PHLPP1: variants seen among roughly 807,000 people sequenced by gnomAD.
PHLPP1 encodes PH domain and leucine rich repeat protein phosphatase 1, also known as PH domain leucine-rich repeat-containing protein phosphatase 1.
A neutral mutation model predicts 117.2 loss-of-function variants in PHLPP1; 42 were observed. The ratio of observed to expected loss-of-function variants is 0.36; its 90% CI spans 0.28 to 0.46. The LOEUF is 0.46. Ranked by LOEUF, PHLPP1 falls within the 20% of genes least tolerant of loss-of-function variation. The pLI is 1.00. For synonymous variants in PHLPP1, 1,042 were observed against 970.7 expected (o/e 1.07, Z -1.37); for missense variants, 2,084 against 2,241.9 (o/e 0.93, Z 1.42).
At chr18:62,960,418 T>A (rs965844106) in intron 13 of PHLPP1, among the ~76,000 whole-genome samples, 1 of 152,202 alleles carries the variant, frequency 6.6e-6, no homozygotes, top group African/African-American at 2.4e-5. Flanking sequence ...ATACTTTTTA[T>A]ACATAAAAGT....
At chr18:62,940,616 G>A (rs958566417) in intron 10 of PHLPP1, among the ~76,000 whole-genome samples, 7 of 151,812 alleles carry the variant, frequency 4.6e-5, no homozygotes, top group East Asian at 1.9e-4. Flanking sequence ...CGCCTGCCTC[G>A]GCCTCCCAAA....
intron 4 of PHLPP1, among the ~76,000 whole-genome samples, chr18:62,864,564 A>C (rs1006666592): frequency 6.6e-6 from 1 of 152,254 alleles, no homozygotes. Context: ...ATTTAAGAAA[A>C]CATTCAGTAA....
At chr18:62,853,523 C>G (rs1360618028) in intron 3 of PHLPP1, among the ~76,000 whole-genome samples, 1 of 152,000 alleles carries the variant, frequency 6.6e-6, no homozygotes, top group African/African-American at 2.4e-5. Flanking sequence ...GTGCCCGCCA[C>G]CCCACCCAGC....
chr18:62,968,224 A>G (rs961711719), intron 14 of PHLPP1, among the ~76,000 whole-genome samples: 1 of 152,088 alleles, frequency 6.6e-6, no homozygotes, highest in Non-Finnish European at 1.5e-5. Flanking sequence ...CTCTCTTGTG[A>G]TGTCTTTGGG....
At chr18:62,957,951 G>A (rs139580309) in intron 12 of PHLPP1, among the ~76,000 whole-genome samples, 51 of 152,140 alleles carry the variant, frequency 3.4e-4, no homozygotes, top group Non-Finnish European at 5.7e-4. Context: ...CAGGTGATAC[G>A]CCTGCCTCTG....
intron 3 of PHLPP1, 117 bp downstream of exon 3, chr18:62,839,026 G>A: frequency 9.6e-7 from 1 of 1,040,650 alleles, no homozygotes; most frequent in Non-Finnish European, 1.4e-6. Context: ...TTCCTCCCCA[G>A]ATACTGCCAG....
chr18:62,859,953 A>C (rs564341702), intron 3 of PHLPP1, among the ~76,000 whole-genome samples: 6 of 152,274 alleles, frequency 3.9e-5, no homozygotes, highest in African/African-American at 1.2e-4. Flanking sequence ...AATGACAGGG[A>C]TGTATCTTGA....
At chr18:62,850,517 G>A (rs934757343) in intron 3 of PHLPP1, among the ~76,000 whole-genome samples, 3 of 152,154 alleles carry the variant, frequency 2.0e-5, no homozygotes, top group African/African-American at 4.8e-5. Context: ...TTGTCAAGGC[G>A]ATGACACCTT....
chr18:62,817,663 T>A lies in PHLPP1; in HGVS notation c.1577-12372T>A, dbSNP rs192983074. 1.6e-4 allele frequency among the ~76,000 whole-genome samples: 24 copies of A among 152,094 alleles called. No homozygotes were observed. In the East Asian group the frequency reaches 4.6e-3, roughly 29 times the overall value. ...GCCTTATGAGGTCAGAAAAAAAATT[T>A]AAAATAATGGCTGAAAAAATATCAA... On this transcript the variant is annotated intron_variant, in intron 1 of 16. Coordinates refer to ENST00000262719, the MANE Select transcript of PHLPP1 (RefSeq NM_194449.4).
intron 10 of PHLPP1, among the ~76,000 whole-genome samples, chr18:62,923,301 C>A (rs1488135161): frequency 6.6e-6 from 1 of 152,000 alleles, no homozygotes; most frequent in Non-Finnish European, 1.5e-5. Flanking sequence ...TGAGAAGGGG[C>A]AAATATCTTT....
chr18:62,730,790 C>CAAA (rs34266723), intron 1 of PHLPP1, among the ~76,000 whole-genome samples: 5 of 70,632 alleles, frequency 7.1e-5, no homozygotes, highest in Admixed American at 2.7e-4. Flanking sequence ...AACTTTGTCT[C>CAAA]AAAAAAAAAA....
At chr18:62,899,974 G>A (rs185670316) in intron 6 of PHLPP1, among the ~76,000 whole-genome samples, 4 of 152,274 alleles carry the variant, frequency 2.6e-5, no homozygotes, top group Admixed American at 2.6e-4. Context: ...CTGGCCAGAA[G>A]GGAATTTTCA....
chr18:62,808,793 A>T (rs2144309218), intron 1 of PHLPP1, among the ~76,000 whole-genome samples: 1 of 152,220 alleles, frequency 6.6e-6, no homozygotes, highest in African/African-American at 2.4e-5. Context: ...ACCTCAGGTG[A>T]TTCACCCACC....
Position 62,903,273 on chromosome 18 carries a change from G to A in PHLPP1, c.2647+107G>A, listed in dbSNP as rs1036413456. On this transcript the variant is annotated intron_variant, in intron 7 of 16. Coordinates refer to ENST00000262719, the MANE Select transcript of PHLPP1 (RefSeq NM_194449.4). Reference sequence around the variant, plus strand: ...CTTTGCTCAAGTAGTTAGTAAAATAGCTCAAATTTTGCTAAAATAAAAGTC... The same window carrying A: ...CTTTGCTCAAGTAGTTAGTAAAATAACTCAAATTTTGCTAAAATAAAAGTC... 32 of 762,664 alleles carry A rather than the reference G, an allele frequency of 4.2e-5. No homozygotes were observed. The Middle Eastern group carries it at 3.0e-3, about 71-fold the overall frequency. The allele number at this position is 762,664 out of a possible 1,614,324, so 47.2% of individuals were successfully genotyped here.
At chr18:62,751,054 G>T (rs368208198) in intron 1 of PHLPP1, among the ~76,000 whole-genome samples, 1 of 152,130 alleles carries the variant, frequency 6.6e-6, no homozygotes, top group East Asian at 1.9e-4. Flanking sequence ...CAAAAAAGCA[G>T]TGTTAGCCAC....
intron 4 of PHLPP1, among the ~76,000 whole-genome samples, chr18:62,873,043 G>A (rs935076809): frequency 1.3e-5 from 2 of 150,572 alleles, no homozygotes; most frequent in African/African-American, 4.9e-5. Flanking sequence ...TTTTACACCT[G>A]CTGTTTTTCA....
chr18:62,747,748 G>A (rs1225338991), intron 1 of PHLPP1, among the ~76,000 whole-genome samples: 1 of 152,066 alleles, frequency 6.6e-6, no homozygotes, highest in Non-Finnish European at 1.5e-5. Flanking sequence ...TTGAACTCCT[G>A]GGCTCAAGTG....
intron 14 of PHLPP1, among the ~76,000 whole-genome samples, chr18:62,969,690 C>G (rs930436524): frequency 2.0e-5 from 3 of 152,218 alleles, no homozygotes; most frequent in Admixed American, 6.5e-5. Context: ...GATGTAGCCT[C>G]TTGATGAACT....
At chr18:62,945,604 T>G (rs1910259251) in intron 12 of PHLPP1, among the ~76,000 whole-genome samples, 1 of 152,168 alleles carries the variant, frequency 6.6e-6, no homozygotes, top group South Asian at 2.1e-4. Flanking sequence ...GTTATGAGGC[T>G]CAAAGGCTGA....
Sources: allele counts gnomAD v4.1 joint callset (sites outside exome capture counted in the v4.1 genomes callset), GRCh38; gene constraint gnomAD v4.1.1; transcripts MANE v1.5; gene names NCBI Gene and HGNC (gene_info 2026-07-23, HGNC 2026-07-21).